The following ATRN variants were observed in gnomAD, a reference collection of about 807,000 sequenced individuals.
The protein encoded by ATRN is attractin.
ATRN carries 54 observed loss-of-function variants against 178.7 expected under a neutral mutation model. The ratio of observed to expected loss-of-function variants is 0.30; its 90% confidence interval spans 0.24 to 0.38. The LOEUF (loss-of-function observed/expected upper bound fraction) is 0.38, where lower values mean the gene tolerates loss of function less well. Ranked by LOEUF, ATRN falls within the 10% of genes least tolerant of loss-of-function variation. ATRN has a pLI of 1.00. For synonymous variants in ATRN, 636 were observed against 663.0 expected (o/e 0.96, Z 0.63); for missense variants, 1,443 against 1,815.1 (o/e 0.79, Z 3.73).
intron 22 of ATRN, among the ~76,000 whole-genome samples, chr20:3,598,284 G>A (rs2086559717): frequency 6.6e-6 from 1 of 152,200 alleles, no homozygotes; most frequent in African/African-American, 2.4e-5. Flanking sequence ...TACAGAAAGG[G>A]GACTCCACCA....
chr20:3,628,382 A>C (rs1424547663), intron 25 of ATRN, among the ~76,000 whole-genome samples: 3 of 152,248 alleles, frequency 2.0e-5, no homozygotes, highest in Admixed American at 6.5e-5. Flanking sequence ...GGAACAAGAC[A>C]GAGATCCACT....
In ATRN at chr20:3,650,548, C is replaced by T. The variant is rs1042176988; in HGVS notation, c.*3701C>T. On this transcript the variant is annotated 3_prime_UTR_variant, in exon 29 of 29. Coordinates refer to ENST00000262919, the MANE Select transcript of ATRN (RefSeq NM_139321.3). ...CCTTCTGAAATGTTTACCCCATTGA[C>T]CAAACTTGGCTCCAGCCATTGCGGT... is the stretch of plus-strand genomic sequence containing the variant. 6.6e-6 allele frequency: 1 copy of T among 152,272 alleles called. No individual in the cohort carries two copies. Among genetic ancestry groups the T allele is most frequent in the Non-Finnish European group, 1.5e-5 (1 of 68,052 alleles). 9.4% of individuals were successfully genotyped at this position (152,272 alleles called of 1,614,324 possible).
intron 1 of ATRN, among the ~76,000 whole-genome samples, chr20:3,518,449 G>A (rs1203836993): frequency 6.6e-6 from 1 of 152,194 alleles, no homozygotes; most frequent in South Asian, 2.1e-4. Flanking sequence ...AAAATGTCTG[G>A]AATAAGCAAA....
intron 3 of ATRN, among the ~76,000 whole-genome samples, chr20:3,545,381 A>C (rs200441651): frequency 6.2e-4 from 94 of 151,182 alleles, no homozygotes; most frequent in East Asian, 3.5e-3. Context: ...AAAAAAAAAA[A>C]CAACAAAAAC....
intron 5 of ATRN, among the ~76,000 whole-genome samples, chr20:3,548,416 A>G (rs1013574873): frequency 4.6e-5 from 7 of 152,288 alleles, no homozygotes; most frequent in Admixed American, 4.6e-4. Flanking sequence ...CTTGGCCAAC[A>G]TGGTGAAACC....
intron 2 of ATRN, among the ~76,000 whole-genome samples, chr20:3,537,894 C>T (rs1222960389): frequency 6.9e-6 from 1 of 144,646 alleles, no homozygotes; most frequent in African/African-American, 2.5e-5. Flanking sequence ...GCCTCATTTT[C>T]TTTATTTTAT....
chr20:3,507,386 G>A (rs1168604719), intron 1 of ATRN, among the ~76,000 whole-genome samples: 10 of 146,334 alleles, frequency 6.8e-5, no homozygotes, highest in African/African-American at 1.0e-4. Flanking sequence ...TCCAGCCTGC[G>A]ACAGAGCGAA....
intron 1 of ATRN, among the ~76,000 whole-genome samples, chr20:3,512,085 T>TTATATATATATATATA (rs1212714416): frequency 8.3e-5 from 10 of 119,776 alleles, no homozygotes; most frequent in Non-Finnish European, 1.5e-4. Flanking sequence ...CTTTTTTCTT[T>TTATATATATATATATA]TATATATATA....
chr20:3,644,367 T>A lies in ATRN; in HGVS notation c.4165+99T>A, dbSNP rs1337231908. 4.0e-6 allele frequency: 4 copies of A among 1,001,128 alleles called. No individual in the cohort carries two copies. The African/African-American group carries it at 6.4e-5, about 16-fold the overall frequency. The allele number at this position is 1,001,128 out of a possible 1,614,324, so 62.0% of individuals were successfully genotyped here. On this transcript the variant is annotated intron_variant, in intron 28 of 28. Coordinates refer to ENST00000262919, the MANE Select transcript of ATRN (RefSeq NM_139321.3). ...CTAGAGAACAAGGTTATAAAGGTGA[T>A]AACCAACAGTGCCTGCCCATGCCAT...
chr20:3,581,982 A>G (rs1017371069), intron 15 of ATRN, among the ~76,000 whole-genome samples, 153 bp from the exon 16 acceptor site: 3 of 152,102 alleles, frequency 2.0e-5, no homozygotes, highest in Admixed American at 2.0e-4. Context: ...GCTCATGCCT[A>G]TAATCTCAAC....
intron 1 of ATRN, among the ~76,000 whole-genome samples, chr20:3,497,688 C>T (rs2084900207): frequency 6.6e-6 from 1 of 152,152 alleles, no homozygotes; most frequent in South Asian, 2.1e-4. Context: ...CTCTGTATTT[C>T]CTGAATCTGA....
At chr20:3,491,677 T>A (rs1171957544) in intron 1 of ATRN, among the ~76,000 whole-genome samples, 1 of 152,190 alleles carries the variant, frequency 6.6e-6, no homozygotes, top group Non-Finnish European at 1.5e-5. Flanking sequence ...TTTCTTAGCA[T>A]TTGTATGAGA....
rs937580157 is a variant in ATRN at position 3,492,858 on chromosome 20, C to T, written c.410+21341C>T. On this transcript the variant is annotated intron_variant, in intron 1 of 28. Coordinates refer to ENST00000262919, the MANE Select transcript of ATRN (RefSeq NM_139321.3). ...AGGGAGAGAGAGAGAGAGAGAGGCG[C>T]GCGCGCGCGTGCGCACGCACACACA... 8.7e-4 allele frequency among the ~76,000 whole-genome samples: 107 copies of T among 122,950 alleles called. 1 individual carries two copies. Among genetic ancestry groups the T allele is most frequent in the African/African-American group, 3.6e-3 (96 of 26,936 alleles). 80.7% of individuals were successfully genotyped at this position (122,950 alleles called of 152,430 possible).
At chr20:3,629,298 A>ATTTTAATTCAGCGTC in intron 25 of ATRN, 3 of 985,264 alleles carry the variant, frequency 3.0e-6, no homozygotes, top group Non-Finnish European at 3.6e-6. Context: ...TCCTGGGTGA[A>ATTTTAATTCAGCGTC]CTGGCGTCCG....
chr20:3,519,977 A>G (rs1201372379), intron 1 of ATRN, among the ~76,000 whole-genome samples: 2 of 152,250 alleles, frequency 1.3e-5, no homozygotes, highest in South Asian at 2.1e-4. Flanking sequence ...ATACCACTCA[A>G]GTATCCTATT....
At chr20:3,476,721 A>G (rs926987234) in intron 1 of ATRN, among the ~76,000 whole-genome samples, 2 of 152,084 alleles carry the variant, frequency 1.3e-5, no homozygotes, top group Non-Finnish European at 2.9e-5. Context: ...TTAGCCAGGC[A>G]TGGTGGCGAG....
At position 3,506,462 on chromosome 20, in the gene ATRN, A is replaced by G. The variant is rs533927072; in HGVS notation, c.411-28791A>G. On this transcript the variant is annotated intron_variant, in intron 1 of 28. Transcript: ENST00000262919. ...AACATGGTGAAACCCTGTCTCTACTAAAAATACAAAAATTAGCTGGGCGTG... is the reference window on the plus strand; with the variant it reads ...AACATGGTGAAACCCTGTCTCTACTGAAAATACAAAAATTAGCTGGGCGTG... Among the ~76,000 whole-genome samples, 320 of 152,130 alleles carry G rather than the reference A, an allele frequency of 2.1e-3. 1 individual carries two copies. Among genetic ancestry groups the G allele is most frequent in the Non-Finnish European group, 3.3e-3 (227 of 67,996 alleles).
At chr20:3,641,830 A>G (rs2087071701) in intron 27 of ATRN, among the ~76,000 whole-genome samples, 2 of 152,164 alleles carry the variant, frequency 1.3e-5, no homozygotes, top group African/African-American at 4.8e-5. Context: ...CACAAAAGAA[A>G]TGTCTGAAGG....
intron 1 of ATRN, chr20:3,490,694 C>G (rs1219668039): frequency 2.5e-6 from 2 of 807,128 alleles, no homozygotes; most frequent in Non-Finnish European, 4.5e-6. Flanking sequence ...CCTCAAATTT[C>G]ACTGACATTG....
Sources: gnomAD v4.1 joint callset for allele counts (sites outside exome capture counted in the v4.1 genomes callset) on GRCh38, gnomAD v4.1.1 for gene constraint, MANE v1.5 for transcripts, NCBI Gene and HGNC (gene_info 2026-07-23, HGNC 2026-07-21) for gene names.